The following LRFN2 variants were observed in gnomAD, a reference collection of about 807,000 sequenced individuals.
LRFN2 encodes leucine-rich repeat and fibronectin type-III domain-containing protein 2.
LRFN2 carries 18 observed loss-of-function variants against 37.3 expected under a neutral mutation model. The observed-to-expected ratio is 0.48, with a 90% CI of 0.33 to 0.72. The LOEUF is 0.72. LRFN2 is among the 30% of genes least tolerant of loss of function. The pLI, the probability that LRFN2 is intolerant of heterozygous loss-of-function variation, is 0.02. For synonymous variants in LRFN2, 556 were observed against 466.6 expected (o/e 1.19, Z -2.47); for missense variants, 1,006 against 1,060.7 (o/e 0.95, Z 0.72).
intron 1 of LRFN2, among the ~76,000 whole-genome samples, chr6:40,556,392 T>C (rs974137133): frequency 2.0e-5 from 3 of 152,144 alleles, no homozygotes; most frequent in Non-Finnish European, 4.4e-5. Flanking sequence ...GAGGCTGTGC[T>C]GAGGGCACAG....
intron 1 of LRFN2, among the ~76,000 whole-genome samples, chr6:40,584,429 C>G (rs1335030114): frequency 1.3e-5 from 2 of 152,218 alleles, no homozygotes; most frequent in Admixed American, 1.3e-4. Context: ...TATGACAACT[C>G]TATCCCTTCA....
chr6:40,566,773 T>C (rs899535823), intron 1 of LRFN2, among the ~76,000 whole-genome samples: 4 of 151,806 alleles, frequency 2.6e-5, no homozygotes, highest in Non-Finnish European at 5.9e-5. Flanking sequence ...TTAGGAGATA[T>C]ACCTAATGCT....
At chr6:40,575,567 G>A (rs1231262041) in intron 1 of LRFN2, among the ~76,000 whole-genome samples, 1 of 152,154 alleles carries the variant, frequency 6.6e-6, no homozygotes, top group East Asian at 1.9e-4. Context: ...AAGGAACTTG[G>A]CCCCTTGCCC....
rs187088051 is a variant in LRFN2, at chr6:40,402,086, A to G, written c.1401-9174T>C. ...ATTCTCTCTCTTCCTGCGAGCCCCA[A>G]AGGGACCTGTTTGCTTTCATGCATG... On this transcript the variant is annotated intron_variant, in intron 2 of 2. Coordinates refer to ENST00000338305, the MANE Select transcript of LRFN2 (RefSeq NM_020737.3). 2.6e-5 allele frequency among the ~76,000 whole-genome samples: 4 copies of G among 152,222 alleles called. No homozygotes were observed. In the East Asian group the frequency reaches 5.8e-4, roughly 22 times the overall value.
At position 40,509,359 on chromosome 6, in the gene LRFN2, T is replaced by A. The variant is rs556923364; in HGVS notation, c.-18-76228A>T. ...TGTCACCTTTCACACTCAGTAGTTC[T>A]GAGATGTCGGGCAATTTTTCCCAGA... On this transcript the variant is annotated intron_variant, in intron 1 of 2. Transcript: ENST00000338305. Among the ~76,000 whole-genome samples, 22 of 152,390 alleles carry A rather than the reference T, an allele frequency of 1.4e-4. No homozygotes were observed. In the South Asian group the frequency reaches 4.3e-3, roughly 30 times the overall value.
At chr6:40,444,206 A>T (rs1189309693) in intron 1 of LRFN2, among the ~76,000 whole-genome samples, 1 of 152,186 alleles carries the variant, frequency 6.6e-6, no homozygotes, top group Non-Finnish European at 1.5e-5. Context: ...CTCTCTTTTC[A>T]GCTTTCTCAA....
chr6:40,491,173 A>G (rs1268867118), intron 1 of LRFN2, among the ~76,000 whole-genome samples: 1 of 152,186 alleles, frequency 6.6e-6, no homozygotes. Context: ...GCTGTGACAT[A>G]CCGTCACCAC....
intron 2 of LRFN2, among the ~76,000 whole-genome samples, chr6:40,418,701 T>C (rs1356121575): frequency 1.3e-5 from 2 of 152,138 alleles, no homozygotes; most frequent in African/African-American, 4.8e-5. Flanking sequence ...TGTGAGACCT[T>C]GCAAGTCACG....
chr6:40,433,059 C>T lies in LRFN2; in HGVS notation c.55G>A (p.Asp19Asn). The T allele has an allele frequency of 5.8e-6, 9 of 1,553,098 alleles. No individual in the cohort carries two copies. The highest frequency in any genetic ancestry group is 7.8e-6 in the Non-Finnish European group (9 of 1,150,962). The change falls in exon 2 of 3, where the codon GAC becomes AAC. Residue 19 changes from aspartate to asparagine, a missense_variant. By Grantham distance (23) the Asp-to-Asn change is conservative (BLOSUM62 1). This residue lies in a region of LRFN2 where 185 missense variants were observed against 254.9 expected (regional missense o/e 0.73). Coordinates refer to ENST00000338305, the MANE Select transcript of LRFN2 (RefSeq NM_020737.3). ...LAFGMAFAVV[D>N]ACPKYCVCQN... ...CAGACACAGTACTTGGGGCAGGCGTCGACCACGGCAAACGCCATGCCAAAC... is the reference window on the plus strand; with the variant it reads ...CAGACACAGTACTTGGGGCAGGCGTTGACCACGGCAAACGCCATGCCAAAC...
Position 40,545,292 on chromosome 6 carries a change from C to T in LRFN2, c.-19+41649G>A, listed in dbSNP as rs888587043. Among the ~76,000 whole-genome samples the T allele has an allele frequency of 2.0e-5, 3 of 152,324 alleles. No homozygotes were observed. In the East Asian group the frequency reaches 5.8e-4, roughly 29 times the overall value. The stretch of plus-strand genomic sequence containing the variant: ...TTCTCTCAGGGTGTAAAGGGCAGAG[C>T]CTCCTGGGTCCCTGGACACAGAATG... On this transcript the variant is annotated intron_variant, in intron 1 of 2. Coordinates refer to ENST00000338305, the MANE Select transcript of LRFN2 (RefSeq NM_020737.3).
rs373074734 is a variant in LRFN2, at chr6:40,431,903, T to C, written c.1211A>G (p.Lys404Arg). The C allele has an allele frequency of 4.3e-6, 7 of 1,611,990 alleles. No individual in the cohort carries two copies. In the African/African-American group the frequency reaches 5.3e-5, roughly 12 times the overall value. ...ACTGCCTCCACCTCCCCGGCTGGTC[T>C]TGCTGGAGCCAGTGATGTCTGAGAG... ...SRLSDITGSS[K>R]TSRGGGGSGG... The change falls in exon 2 of 3, where the codon AAG (lysine) becomes AGG (arginine). Residue 404 changes from lysine (K) to arginine (R), a missense_variant. Physicochemically the swap from Lys to Arg is conservative, Grantham distance 26. Coordinates refer to ENST00000338305, the MANE Select transcript of LRFN2 (RefSeq NM_020737.3).
At chr6:40,427,027 A>T (rs1763369222) in intron 2 of LRFN2, among the ~76,000 whole-genome samples, 1 of 152,210 alleles carries the variant, frequency 6.6e-6, no homozygotes, top group Non-Finnish European at 1.5e-5. Flanking sequence ...CTCTGAACCT[A>T]GGCACACAGA....
intron 1 of LRFN2, among the ~76,000 whole-genome samples, chr6:40,549,059 G>A (rs539311784): frequency 6.6e-4 from 101 of 152,322 alleles, no homozygotes; most frequent in Non-Finnish European, 1.3e-3. Context: ...ACCCTATGAT[G>A]TCAGCAGGGT....
rs141285701 is a variant in LRFN2, at chr6:40,410,397, G to A, written c.1401-17485C>T. ...GTTGTGGAAGTAGGGGCAGCAGCAC[G>A]TCCCTGACCCCGAAAGCACACAGGA... On this transcript the variant is annotated intron_variant, in intron 2 of 2. Coordinates refer to ENST00000338305, the MANE Select transcript of LRFN2 (RefSeq NM_020737.3). Among the ~76,000 whole-genome samples the A allele has an allele frequency of 4.5e-3, 685 of 152,228 alleles. 8 individuals carry two copies. The highest frequency in any genetic ancestry group is 0.016 in the African/African-American group (652 of 41,526).
In LRFN2 at chr6:40,431,761, C is replaced by T. The variant is rs2113823713; in HGVS notation, c.1353G>A (p.Met451Ile). The stretch of plus-strand genomic sequence containing the variant: ...CAGAGCAGTTGTACTGCAGCTGGTA[C>T]ATCTTCACCCGGGGTGCTGACTTGC... The part of the protein sequence containing the change: ...SVSKSAPRVK[M>I]YQLQYNCSDD... The change falls in exon 2 of 3, where the codon ATG becomes ATA. Residue 451 changes from methionine to isoleucine, a missense_variant. This residue lies in a region of LRFN2 where 120 missense variants were observed against 178.4 expected (regional missense o/e 0.67). Coordinates refer to ENST00000338305, the MANE Select transcript of LRFN2 (RefSeq NM_020737.3). The T allele has an allele frequency of 6.6e-7, 1 of 1,524,668 alleles. No individual in the cohort carries two copies. Among genetic ancestry groups the T allele is most frequent in the South Asian group, 1.3e-5 (1 of 76,104 alleles). 94.4% of individuals were successfully genotyped at this position (1,524,668 alleles called of 1,614,324 possible).
chr6:40,395,510 T>G (rs1296676621), intron 2 of LRFN2, among the ~76,000 whole-genome samples: 1 of 152,196 alleles, frequency 6.6e-6, no homozygotes, highest in African/African-American at 2.4e-5. Context: ...AGGAGCCCTG[T>G]GTGGCCAATG....
intron 2 of LRFN2, among the ~76,000 whole-genome samples, chr6:40,415,085 A>G (rs1429347268): frequency 2.6e-5 from 4 of 152,218 alleles, no homozygotes; most frequent in East Asian, 3.9e-4. Flanking sequence ...ACCTGCACAC[A>G]TCTGAGGCAA....
At chr6:40,439,168 AC>A (rs1402487290) in intron 1 of LRFN2, among the ~76,000 whole-genome samples, 4 of 152,048 alleles carry the variant, frequency 2.6e-5, no homozygotes, top group Non-Finnish European at 5.9e-5. Context: ...ATATCTCTGT[AC>A]CCTGATTTCC....
intron 1 of LRFN2, among the ~76,000 whole-genome samples, chr6:40,482,132 C>T (rs1283640699): frequency 6.6e-6 from 1 of 152,016 alleles, no homozygotes; most frequent in East Asian, 1.9e-4. Context: ...GTGTTATTGT[C>T]AGTTGCCATG....
Sources: allele counts gnomAD v4.1 joint callset (sites outside exome capture counted in the v4.1 genomes callset), GRCh38; gene constraint gnomAD v4.1.1; regional missense constraint gnomAD v4.1.1; transcripts MANE v1.5; gene names NCBI Gene and HGNC (gene_info 2026-07-23, HGNC 2026-07-21).